Variants in COPB1 observed in about 807,000 individuals in gnomAD.
COPB1 encodes coat protein complex I subunit beta 1, also known as coatomer subunit beta.
Under a neutral mutation model 108.7 loss-of-function variants are expected in COPB1, and 21 were observed. The observed-to-expected ratio is 0.19, with a 90% CI of 0.14 to 0.28. COPB1 has a LOEUF of 0.28. COPB1 is among the 10% of genes least tolerant of loss of function. The pLI is 1.00. For missense variants in COPB1, 919 were observed against 1,141.3 expected, an observed-to-expected ratio of 0.81 and a Z score of 2.81; for synonymous variants, 378 against 386.8, an observed-to-expected ratio of 0.98 and a Z score of 0.27.
intron 11 of COPB1, 28 bp downstream of exon 11, chr11:14,479,541 C>T (rs192691126): frequency 1.3e-4 from 212 of 1,576,666 alleles, no homozygotes; most frequent in Non-Finnish European, 1.7e-4. Flanking sequence ...CTTACTTGAC[C>T]TTACATTTAA....
chr11:14,481,195 T>G, intron 8 of COPB1, 98 bp from the exon 9 acceptor site: 1 of 844,242 alleles, frequency 1.2e-6, no homozygotes. Context: ...ATCATCACTT[T>G]AATTCTTTAA....
Position 14,487,362 on chromosome 11 carries a change from C to T in COPB1, c.700-858G>A, listed in dbSNP as rs183814918. 9.9e-5 allele frequency among the ~76,000 whole-genome samples: 15 copies of T among 152,124 alleles called. No homozygotes were observed. The East Asian group carries it at 2.5e-3, about 25-fold the overall frequency. ...TAATTTTGAGAACCTCAGTGGTATC[C>T]TAAACTATACACATGAATTAAAAAG... is the stretch of plus-strand genomic sequence containing the variant. On this transcript the variant is annotated intron_variant, in intron 6 of 21. Transcript: ENST00000439561.
chr11:14,485,363 CTCTT>C (rs1186866091), intron 7 of COPB1, among the ~76,000 whole-genome samples: 1 of 152,096 alleles, frequency 6.6e-6, no homozygotes, highest in Admixed American at 6.6e-5. Flanking sequence ...GATAGAGTCT[CTCTT>C]TGTTGCCCAG....
At chr11:14,463,980 T>C (rs1381903869) in intron 18 of COPB1, among the ~76,000 whole-genome samples, 1 of 152,194 alleles carries the variant, frequency 6.6e-6, no homozygotes, top group Non-Finnish European at 1.5e-5. Flanking sequence ...TATAGTACTG[T>C]CGCAAAAAGA....
chr11:14,479,974 T>G (rs1353970155), intron 10 of COPB1, among the ~76,000 whole-genome samples: 1 of 152,070 alleles, frequency 6.6e-6, no homozygotes, highest in Admixed American at 6.6e-5. Context: ...CTAGCTAATA[T>G]TAATTTTTTT....
At chr11:14,469,663 GA>G in intron 14 of COPB1, 100 bp from the exon 15 acceptor site, 2 of 1,004,912 alleles carry the variant, frequency 2.0e-6, no homozygotes, top group Non-Finnish European at 3.0e-6. Flanking sequence ...CACTTCACCT[GA>G]ATAAGATTTC....
rs781004199 is a variant in COPB1 at position 14,474,506 on chromosome 11, T to C, written c.1726A>G (p.Lys576Glu). 3 of 1,612,440 alleles carry C rather than the reference T, an allele frequency of 1.9e-6. No homozygotes were observed. The African/African-American group carries it at 4.0e-5, about 22-fold the overall frequency. ...LRYVALVQEKKKQNSFVAEAM... is the reference protein window; with the variant it reads ...LRYVALVQEKEKQNSFVAEAM... Reference sequence around the variant, plus strand: ...ATAAATGAACTTACATTTTGCTTTTTCTTCTCCTGAACCAAAGCTACATAG... The same window carrying C: ...ATAAATGAACTTACATTTTGCTTTTCCTTCTCCTGAACCAAAGCTACATAG... The change falls in exon 14 of 22, where the codon AAA becomes GAA. Residue 576 changes from lysine (K) to glutamate (E), a missense_variant. Physicochemically the swap from Lys to Glu is moderately conservative, Grantham distance 56. Transcript: ENST00000439561.
At chr11:14,479,476 C>T in intron 11 of COPB1, 93 bp downstream of exon 11, 4 of 1,240,060 alleles carry the variant, frequency 3.2e-6, no homozygotes, top group South Asian at 1.8e-5. Context: ...CTTGATTGTC[C>T]TCTCCATTCT....
At chr11:14,465,280 G>A (rs1376325211) in intron 17 of COPB1, among the ~76,000 whole-genome samples, 1 of 152,006 alleles carries the variant, frequency 6.6e-6, no homozygotes, top group Admixed American at 6.6e-5. Context: ...AAGGTAATAG[G>A]CATCTCAGAA....
intron 4 of COPB1, 113 bp from the exon 5 acceptor site, chr11:14,490,792 CTTTT>C: frequency 1.1e-4 from 56 of 491,792 alleles, no homozygotes; most frequent in South Asian, 1.6e-4. Flanking sequence ...CATACTTTTG[CTTTT>C]TTTTTTTTTT....
At position 14,485,834 on chromosome 11, in the gene COPB1, C is replaced by T. The variant is rs1388926610; in HGVS notation, c.837+533G>A. On this transcript the variant is annotated intron_variant, in intron 7 of 21. Transcript: ENST00000439561. ...CTCCAGCCTGGGTGACAAAGCAATACCTTGTCTCAAAACAAAACAAAACAA... is the reference window on the plus strand; with the variant it reads ...CTCCAGCCTGGGTGACAAAGCAATATCTTGTCTCAAAACAAAACAAAACAA... Among the ~76,000 whole-genome samples the T allele has an allele frequency of 2.0e-5, 3 of 152,038 alleles. 1 individual carries two copies. The highest frequency in any genetic ancestry group is 3.2e-3 in the Middle Eastern group (1 of 316).
chr11:14,468,986 G>T, intron 15 of COPB1, 126 bp from the exon 16 acceptor site: 1 of 815,942 alleles, frequency 1.2e-6, no homozygotes, highest in Admixed American at 2.5e-5. Context: ...AACCCACAAA[G>T]CACTTTTCTT....
chr11:14,491,766 A>G (rs1461621878), intron 4 of COPB1, among the ~76,000 whole-genome samples: 10 of 152,202 alleles, frequency 6.6e-5, no homozygotes, highest in Non-Finnish European at 1.5e-5. Flanking sequence ...TCAATACAGA[A>G]AAAGCTGATT....
At chr11:14,484,126 C>T (rs928449458) in intron 7 of COPB1, among the ~76,000 whole-genome samples, 3 of 152,108 alleles carry the variant, frequency 2.0e-5, no homozygotes, top group African/African-American at 7.2e-5. Context: ...ACCCAAGTTA[C>T]GGGATATTTT....
At chr11:14,498,811 C>A (rs1301518199) in intron 2 of COPB1, 27 bp downstream of exon 2, 2 of 1,519,638 alleles carry the variant, frequency 1.3e-6, no homozygotes, top group Admixed American at 2.1e-5. Flanking sequence ...TTTTTCATTT[C>A]ATTCTCAAAA....
At chr11:14,486,609 G>A (rs2134120563) in intron 6 of COPB1, 105 bp from the exon 7 acceptor site, 1 of 1,370,850 alleles carries the variant, frequency 7.3e-7, no homozygotes, top group African/African-American at 1.4e-5. Flanking sequence ...TTCTCAATAT[G>A]AAAGCTAAGA....
chr11:14,465,716 T>C (rs1850267537), intron 17 of COPB1, among the ~76,000 whole-genome samples: 1 of 152,218 alleles, frequency 6.6e-6, no homozygotes. Flanking sequence ...CCTTGATATC[T>C]TGAAGTTCCT....
At chr11:14,490,992 T>A (rs959719380) in intron 4 of COPB1, among the ~76,000 whole-genome samples, 2 of 152,058 alleles carry the variant, frequency 1.3e-5, no homozygotes, top group African/African-American at 4.8e-5. Flanking sequence ...GGTTTCACCA[T>A]GTTGGCCAGG....
At chr11:14,481,717 G>A (rs1048446178) in intron 8 of COPB1, among the ~76,000 whole-genome samples, 4 of 152,166 alleles carry the variant, frequency 2.6e-5, no homozygotes, top group African/African-American at 9.7e-5. Context: ...ATTCGAAACT[G>A]ATAAAAAAGT....
Sources: gnomAD v4.1 joint callset for allele counts (sites outside exome capture counted in the v4.1 genomes callset) on GRCh38, gnomAD v4.1.1 for gene constraint, MANE v1.5 for transcripts, NCBI Gene and HGNC (gene_info 2026-07-23, HGNC 2026-07-21) for gene names.